Variants in TENM2 observed in about 807,000 individuals in gnomAD.
The protein encoded by TENM2 is teneurin-2.
TENM2 carries 52 observed loss-of-function variants against 245.2 expected under a neutral mutation model. The observed-to-expected ratio is 0.21, with a 90% CI of 0.17 to 0.27. The LOEUF is 0.27. TENM2 is among the 10% of genes least tolerant of loss of function. The probability of loss-of-function intolerance (pLI) is 1.00; values close to 1 mark genes in which losing one functional copy is unlikely to be tolerated. For missense variants in TENM2, 3,046 were observed against 3,666.8 expected, an observed-to-expected ratio of 0.83 and a Z score of 4.37; for synonymous variants, 1,363 against 1,438.9, an observed-to-expected ratio of 0.95 and a Z score of 1.19.
intron 5 of TENM2, among the ~76,000 whole-genome samples, chr5:167,999,475 A>G (rs1482393083): frequency 2.6e-5 from 4 of 152,212 alleles, no homozygotes; most frequent in African/African-American, 9.6e-5. Flanking sequence ...GGGGACTGCC[A>G]TTTCGTAACT....
chr5:167,489,245 G>A (rs931013894), intron 2 of TENM2, among the ~76,000 whole-genome samples: 1 of 152,044 alleles, frequency 6.6e-6, no homozygotes. Flanking sequence ...TCAAAGTAAG[G>A]GTCTAATGCC....
intron 2 of TENM2, among the ~76,000 whole-genome samples, chr5:167,514,306 C>A (rs1045778185): frequency 9.2e-5 from 14 of 152,210 alleles, no homozygotes; most frequent in African/African-American, 3.4e-4. Context: ...CAGTTATGAA[C>A]ACGGCCCCAT....
chr5:167,999,938 C>T (rs1784310367), intron 5 of TENM2, among the ~76,000 whole-genome samples: 1 of 152,206 alleles, frequency 6.6e-6, no homozygotes, highest in Admixed American at 6.5e-5. Flanking sequence ...TCTGCCAGCC[C>T]AGGACTTCGT....
At chr5:166,989,539 C>T in the TENM2 span, among the ~76,000 whole-genome samples, 3 of 151,864 alleles carry the variant, frequency 2.0e-5, no homozygotes, top group Non-Finnish European at 4.4e-5. Context: ...AGCCACAGTG[C>T]CTGGCCCACA....
chr5:167,356,046 A>C (rs911911729), intron 1 of TENM2, among the ~76,000 whole-genome samples: 7 of 151,088 alleles, frequency 4.6e-5, no homozygotes, highest in African/African-American at 1.7e-4. Flanking sequence ...GCTGGGCATG[A>C]TGGCGGGTGC....
At chr5:167,421,254 C>T (rs1763490008) in intron 2 of TENM2, among the ~76,000 whole-genome samples, 1 of 152,130 alleles carries the variant, frequency 6.6e-6, no homozygotes. Context: ...GTTTTTCTGA[C>T]AATAGCAATA....
chr5:167,228,393 A>C, the TENM2 span, among the ~76,000 whole-genome samples: 1 of 151,702 alleles, frequency 6.6e-6, no homozygotes, highest in Non-Finnish European at 1.5e-5. Flanking sequence ...TTTGTATTTC[A>C]TTGAATAAGT....
rs554014204 is a variant in TENM2 at position 167,739,166 on chromosome 5, G to A, written c.503-136820G>A. ...AAAGGACAGGGTGGCTTTGCAGTCT[G>A]CAGGCCAGGAATGGTGTTCTAGCCA... On this transcript the variant is annotated intron_variant, in intron 2 of 28. Transcript: ENST00000518659. 3.7e-4 allele frequency among the ~76,000 whole-genome samples: 57 copies of A among 152,306 alleles called. 1 individual carries two copies. In the South Asian group the frequency reaches 0.011, roughly 30 times the overall value.
intron 2 of TENM2, among the ~76,000 whole-genome samples, chr5:167,492,445 A>C (rs556658075): frequency 7.0e-4 from 106 of 152,278 alleles, no homozygotes; most frequent in African/African-American, 2.5e-3. Flanking sequence ...CTGAGTACAG[A>C]CTTTCCACGA....
chr5:168,057,801 TAAATA>T (rs1003080400), intron 6 of TENM2, among the ~76,000 whole-genome samples: 6 of 152,178 alleles, frequency 3.9e-5, no homozygotes, highest in African/African-American at 1.2e-4. Flanking sequence ...TTTTATTTAA[TAAATA>T]AAATTCAGTT....
At chr5:167,150,630 T>C in the TENM2 span, among the ~76,000 whole-genome samples, 2 of 152,212 alleles carry the variant, frequency 1.3e-5, no homozygotes, top group Non-Finnish European at 1.5e-5. Context: ...TAATCAATTA[T>C]TTGTCTTTTA....
the TENM2 span, among the ~76,000 whole-genome samples, chr5:167,269,272 A>G: frequency 0.022 from 3,321 of 152,080 alleles, 87 homozygotes; most frequent in East Asian, 0.081. Flanking sequence ...TTTTTTTGAG[A>G]TGTCTTGTAA....
the TENM2 span, among the ~76,000 whole-genome samples, chr5:167,250,684 C>T: frequency 5.3e-5 from 8 of 152,080 alleles, no homozygotes; most frequent in Non-Finnish European, 8.8e-5. Context: ...TGCAATGTGG[C>T]GAATCCCTTC....
intron 1 of TENM2, among the ~76,000 whole-genome samples, chr5:167,370,929 G>A (rs540998263): frequency 1.3e-5 from 2 of 152,266 alleles, no homozygotes; most frequent in South Asian, 4.1e-4. Context: ...ACATAATTAT[G>A]CGAGATGAAT....
intron 1 of TENM2, among the ~76,000 whole-genome samples, chr5:167,368,227 C>A (rs1760183722): frequency 2.0e-5 from 3 of 151,890 alleles, no homozygotes; most frequent in Admixed American, 2.0e-4. Context: ...ACTATTAGAA[C>A]TAGGCATATT....
chr5:167,434,540 G>A (rs1057043350), intron 2 of TENM2, among the ~76,000 whole-genome samples: 2 of 149,634 alleles, frequency 1.3e-5, no homozygotes, highest in Non-Finnish European at 3.0e-5. Context: ...TTCAAAATAA[G>A]TATTTTATAT....
chr5:167,296,649 T>C (rs1754964781), intron 1 of TENM2: 1 of 152,194 alleles, frequency 6.6e-6, no homozygotes, highest in Non-Finnish European at 1.5e-5. Context: ...GACTGCAAGT[T>C]CAGGTGACAC....
chr5:167,875,875 C>CTTT (rs11290475), intron 2 of TENM2, 111 bp from the exon 5 acceptor site: 10 of 585,688 alleles, frequency 1.7e-5, no homozygotes, highest in African/African-American at 1.4e-4. Flanking sequence ...CAGTTCATTT[C>CTTT]TTTTTTTTTT....
chr5:167,469,211 C>T (rs998990760), intron 2 of TENM2, among the ~76,000 whole-genome samples: 3 of 152,010 alleles, frequency 2.0e-5, no homozygotes, highest in Non-Finnish European at 4.4e-5. Context: ...TTAGTCCTAA[C>T]GCTGCATCAA....
Sources: allele counts gnomAD v4.1 joint callset (sites outside exome capture counted in the v4.1 genomes callset), GRCh38; gene constraint gnomAD v4.1.1; transcripts MANE v1.5; gene names NCBI Gene and HGNC (gene_info 2026-07-23, HGNC 2026-07-21).